SLC30A10: variants seen among roughly 807,000 people sequenced by gnomAD.
SLC30A10 encodes solute carrier family 30 member 10.
In SLC30A10, 8 loss-of-function variants were observed where a neutral mutation model predicts 21.7. That is an observed-to-expected ratio of 0.37 (90% CI 0.22 to 0.67). SLC30A10 has a LOEUF of 0.67. Ranked by LOEUF, SLC30A10 falls within the 30% of genes least tolerant of loss-of-function variation. SLC30A10 has a pLI of 0.58. For synonymous variants in SLC30A10, 272 were observed against 279.4 expected (o/e 0.97, Z 0.26); for missense variants, 521 against 642.5 (o/e 0.81, Z 2.04).
upstream of SLC30A10, among the ~76,000 whole-genome samples, chr1:219,928,805 G>A (rs547402787): frequency 6.6e-6 from 1 of 152,268 alleles, no homozygotes; most frequent in African/African-American, 2.4e-5. This position sits in a 1 kb window ranked among gnomAD's most constrained non-coding sequence, Gnocchi z 6.3. Context: ...GTGTCTGGAC[G>A]TCAATCTTCA....
intron 2 of SLC30A10, among the ~76,000 whole-genome samples, 179 bp downstream of exon 2, chr1:219,926,849 C>T (rs1198643221): frequency 6.6e-6 from 1 of 152,102 alleles, no homozygotes; most frequent in Non-Finnish European, 1.5e-5. Flanking sequence ...TCATTAGCAA[C>T]CAGTTTCTCC....
intron 1 of SLC30A10, among the ~76,000 whole-genome samples, chr1:219,946,481 T>G (rs1660187526): frequency 6.6e-6 from 1 of 152,078 alleles, no homozygotes. Context: ...TGGAGAGTGT[T>G]GGGGGAGACT....
intron 1 of SLC30A10, among the ~76,000 whole-genome samples, chr1:219,950,424 A>G (rs938249665): frequency 3.3e-4 from 50 of 151,472 alleles, no homozygotes; most frequent in African/African-American, 1.2e-3. Context: ...TGGATCACGA[A>G]GTCAGGAGAT....
In SLC30A10 at chr1:219,940,222, A is replaced by C. The variant is rs529931931; in HGVS notation, n.81-13117T>G. 1.5e-4 allele frequency among the ~76,000 whole-genome samples: 23 copies of C among 152,312 alleles called. No homozygotes were observed. In the South Asian group the frequency reaches 4.8e-3, roughly 32 times the overall value. On this transcript the variant is annotated intron_variant and non_coding_transcript_variant, in intron 1 of 8. Coordinates refer to the SLC30A10 transcript ENST00000484239. The stretch of plus-strand genomic sequence containing the variant: ...ACACCCAATGTCCTGAGACCACCCT[A>C]GTGCAAGGAAGCCAAGACGCAAGGA...
At chr1:219,917,158 A>AT (rs1377109577) in intron 3 of SLC30A10, among the ~76,000 whole-genome samples, 2 of 151,392 alleles carry the variant, frequency 1.3e-5, no homozygotes, top group Non-Finnish European at 2.9e-5. Flanking sequence ...ATAAAAAATA[A>AT]TTTTTTTATT....
intron 1 of SLC30A10, among the ~76,000 whole-genome samples, chr1:219,953,855 T>C (rs868067436): frequency 3.4e-4 from 51 of 151,230 alleles, no homozygotes; most frequent in Non-Finnish European, 5.9e-4. Flanking sequence ...TACAGGCGCC[T>C]GCCACCACGC....
chr1:219,944,400 A>C (rs1278591560), intron 1 of SLC30A10, among the ~76,000 whole-genome samples: 2 of 135,882 alleles, frequency 1.5e-5, no homozygotes, highest in Non-Finnish European at 3.3e-5. Flanking sequence ...ATGAGCCGAG[A>C]TCGCGCCACT....
chr1:219,931,242 A>G (rs1659965573), upstream of SLC30A10, among the ~76,000 whole-genome samples: 1 of 152,212 alleles, frequency 6.6e-6, no homozygotes, highest in Admixed American at 6.5e-5. Flanking sequence ...AAAGGCAGAT[A>G]AGAATTGTGT....
rs575536082 is a variant in SLC30A10, at chr1:219,911,809, C to T, written c.*3640G>A. Among the ~76,000 whole-genome samples, 1 of 152,198 alleles carries T rather than the reference C, an allele frequency of 6.6e-6. No homozygotes were observed. The highest frequency in any genetic ancestry group is 2.1e-4 in the South Asian group (1 of 4,824). On this transcript the variant is annotated 3_prime_UTR_variant, in exon 4 of 4. Coordinates refer to ENST00000366926, the MANE Select transcript of SLC30A10 (RefSeq NM_018713.3). ...AACTACCCTTAGTTCTACCCAGTGG[C>T]TCAGAACTTGGGGCAATTTTTTTTC...
intron 1 of SLC30A10, among the ~76,000 whole-genome samples, chr1:219,944,276 T>G (rs1294304891): frequency 6.6e-6 from 1 of 150,964 alleles, no homozygotes; most frequent in African/African-American, 2.4e-5. Context: ...TAAAACCCCG[T>G]CTCTACTAAA....
At chr1:219,946,919 T>C (rs1276117203) in intron 1 of SLC30A10, among the ~76,000 whole-genome samples, 1 of 152,230 alleles carries the variant, frequency 6.6e-6, no homozygotes, top group Admixed American at 6.5e-5. Flanking sequence ...AAGTTGTTTA[T>C]TGGCCCCCAA....
intron 1 of SLC30A10, among the ~76,000 whole-genome samples, chr1:219,941,849 G>T (rs532299048): frequency 6.6e-6 from 1 of 152,272 alleles, no homozygotes; most frequent in African/African-American, 2.4e-5. Flanking sequence ...AATGTCACTC[G>T]CTGGGAAAGG....
At chr1:219,934,292 A>C (rs1471432336) in intron 1 of SLC30A10, among the ~76,000 whole-genome samples, 5 of 151,778 alleles carry the variant, frequency 3.3e-5, no homozygotes, top group African/African-American at 1.2e-4. Context: ...CGTCTCACAC[A>C]CACAAAAAAA....
chr1:219,930,185 A>AC (rs369343415), upstream of SLC30A10, among the ~76,000 whole-genome samples: 1 of 149,684 alleles, frequency 6.7e-6, no homozygotes, highest in Non-Finnish European at 1.5e-5. Context: ...CAAAAAAAAA[A>AC]CACAGGTCAG....
intron 1 of SLC30A10, among the ~76,000 whole-genome samples, chr1:219,940,365 C>T (rs1049933866): frequency 1.3e-5 from 2 of 152,196 alleles, no homozygotes; most frequent in African/African-American, 4.8e-5. Flanking sequence ...CATCAAGTCA[C>T]CCCTAGCCTT....
At chr1:219,925,851 G>A (rs532804226) in intron 2 of SLC30A10, among the ~76,000 whole-genome samples, 6 of 150,830 alleles carry the variant, frequency 4.0e-5, no homozygotes, top group African/African-American at 1.5e-4. Flanking sequence ...AGATGGGGTG[G>A]GGTTTCACCA....
rs554767357 is a variant in SLC30A10, at chr1:219,949,501, G to A, written n.80+9067C>T. 6.1e-4 allele frequency among the ~76,000 whole-genome samples: 92 copies of A among 152,010 alleles called. 1 individual carries two copies. The East Asian group carries it at 0.017, about 27-fold the overall frequency. On this transcript the variant is annotated intron_variant and non_coding_transcript_variant, in intron 1 of 8. Coordinates refer to the SLC30A10 transcript ENST00000484239. ...AAACCATCATTCTCAGTAAACTATC[G>A]CAAGAACAAAAAACCAAACACCGCA...
At chr1:219,957,540 G>A (rs2047451) in intron 1 of SLC30A10, among the ~76,000 whole-genome samples, 70,420 of 151,948 alleles carry the variant, frequency 0.46, 16,404 homozygotes, top group South Asian at 0.53. Flanking sequence ...TTGTGATTTC[G>A]AAAATAATTT....
intron 1 of SLC30A10, among the ~76,000 whole-genome samples, chr1:219,957,463 A>G (rs1660368514): frequency 6.6e-6 from 1 of 152,234 alleles, no homozygotes; most frequent in African/African-American, 2.4e-5. Flanking sequence ...AATATTTGAA[A>G]TTTTTAAAAA....
Sources: allele counts gnomAD v4.1 joint callset (sites outside exome capture counted in the v4.1 genomes callset), GRCh38; gene constraint gnomAD v4.1.1; non-coding constraint Gnocchi (gnomAD v3.1); transcripts MANE v1.5; gene names NCBI Gene and HGNC (gene_info 2026-07-23, HGNC 2026-07-21).